NALF1: variants seen among roughly 807,000 people sequenced by gnomAD.
The protein encoded by NALF1 is family with sequence similarity 155 member A.
A neutral mutation model predicts 48.4 loss-of-function variants in NALF1; 3 were observed. The ratio of observed to expected loss-of-function variants is 0.06; its 90% CI spans 0.03 to 0.16. NALF1 has a LOEUF of 0.16. Among genes scored for constraint, NALF1 ranks in the 10% least tolerant of loss-of-function variants. The pLI, the probability that NALF1 is intolerant of heterozygous loss-of-function variation, is 1.00. For synonymous variants in NALF1, 262 were observed against 245.7 expected, an observed-to-expected ratio of 1.07 and a Z score of -0.62; for missense variants, 526 against 571.5, an observed-to-expected ratio of 0.92 and a Z score of 0.81.
intron 1 of NALF1, among the ~76,000 whole-genome samples, chr13:107,554,119 C>A (rs1252753313): frequency 6.6e-6 from 1 of 152,170 alleles, no homozygotes; most frequent in Non-Finnish European, 1.5e-5. Flanking sequence ...ACAGCAAGCT[C>A]CTGACACTAC....
chr13:107,743,344 T>C (rs997658702), intron 1 of NALF1, among the ~76,000 whole-genome samples: 1 of 152,184 alleles, frequency 6.6e-6, no homozygotes, highest in African/African-American at 2.4e-5. Context: ...AACTTTCAGA[T>C]GAATCAGCCT....
rs902259069 is a variant in NALF1 at position 107,486,817 on chromosome 13, G to T, written c.916-276062C>A. 2.6e-5 allele frequency among the ~76,000 whole-genome samples: 4 copies of T among 152,016 alleles called. No homozygotes were observed. In the East Asian group the frequency reaches 5.8e-4, roughly 22 times the overall value. On this transcript the variant is annotated intron_variant, in intron 1 of 2. Transcript: ENST00000375915. ...ACTCCCTGCTTTTGGATATTGAAGG[G>T]AGTTCATTTTTTAACATGATTCATG... is the stretch of plus-strand genomic sequence containing the variant.
rs1041048440 is a variant in NALF1, at chr13:107,607,523, G to A, written c.915+258159C>T. On this transcript the variant is annotated intron_variant, in intron 1 of 2. Transcript: ENST00000375915. ...ATCTTCAAGCCAAAATAAAGTTGTT[G>A]TTGTTGTTGTTTTTCCTTGTAAAGA... 2.0e-5 allele frequency among the ~76,000 whole-genome samples: 3 copies of A among 152,278 alleles called. No individual in the cohort carries two copies. The East Asian group carries it at 5.8e-4, about 29-fold the overall frequency.
At chr13:107,262,398 G>C (rs1880945359) in intron 1 of NALF1, among the ~76,000 whole-genome samples, 1 of 152,128 alleles carries the variant, frequency 6.6e-6, no homozygotes, top group African/African-American at 2.4e-5. Flanking sequence ...CTGAATGACA[G>C]AGCAAAACTC....
chr13:107,572,828 T>C (rs1223909081), intron 1 of NALF1, among the ~76,000 whole-genome samples: 1 of 152,192 alleles, frequency 6.6e-6, no homozygotes, highest in Non-Finnish European at 1.5e-5. Flanking sequence ...TAAAAAATAA[T>C]TCATACAAGA....
intron 1 of NALF1, among the ~76,000 whole-genome samples, chr13:107,520,633 C>A (rs1378583242): frequency 1.3e-5 from 2 of 152,150 alleles, no homozygotes; most frequent in Admixed American, 1.3e-4. Context: ...GTTTATTCAC[C>A]CAATCATTAA....
At chr13:107,449,846 A>T (rs1884711123) in intron 1 of NALF1, among the ~76,000 whole-genome samples, 1 of 152,192 alleles carries the variant, frequency 6.6e-6, no homozygotes, top group African/African-American at 2.4e-5. Flanking sequence ...TTCCAAATTT[A>T]CAGTTAAGGA....
chr13:107,699,134 A>C (rs1245899192), intron 1 of NALF1, among the ~76,000 whole-genome samples: 1 of 152,176 alleles, frequency 6.6e-6, no homozygotes, highest in African/African-American at 2.4e-5. Flanking sequence ...TACAAATTAC[A>C]AAGTCAAGAA....
At chr13:107,434,296 G>A (rs1489968129) in intron 1 of NALF1, among the ~76,000 whole-genome samples, 1 of 152,124 alleles carries the variant, frequency 6.6e-6, no homozygotes, top group Non-Finnish European at 1.5e-5. Context: ...GTTGACTGTA[G>A]CCTGATTATC....
At chr13:107,759,233 T>C (rs533722427) in intron 1 of NALF1, among the ~76,000 whole-genome samples, 3 of 152,178 alleles carry the variant, frequency 2.0e-5, no homozygotes, top group Non-Finnish European at 2.9e-5. Context: ...TTTTTTGAGA[T>C]AGTCTTGCTC....
chr13:107,477,446 G>C (rs1036753708), intron 1 of NALF1, among the ~76,000 whole-genome samples: 4 of 152,000 alleles, frequency 2.6e-5, no homozygotes, highest in African/African-American at 9.7e-5. Flanking sequence ...ATCCTCCTAA[G>C]GTCCCTATAG....
intron 1 of NALF1, among the ~76,000 whole-genome samples, chr13:107,383,406 G>C (rs1883474492): frequency 6.6e-6 from 1 of 152,060 alleles, no homozygotes; most frequent in African/African-American, 2.4e-5. Context: ...GCGTTCTCCT[G>C]ACCTGATTAG....
chr13:107,402,707 C>A (rs1328191045), intron 1 of NALF1, among the ~76,000 whole-genome samples: 1 of 152,092 alleles, frequency 6.6e-6, no homozygotes, highest in Non-Finnish European at 1.5e-5. Flanking sequence ...GAAGAAAAAT[C>A]CATATTCCTG....
chr13:107,246,019 T>G (rs1880576427), intron 1 of NALF1, among the ~76,000 whole-genome samples: 1 of 152,162 alleles, frequency 6.6e-6, no homozygotes, highest in Non-Finnish European at 1.5e-5. Flanking sequence ...CTCTGCTGGC[T>G]TCGCAGGTAC....
intron 1 of NALF1, among the ~76,000 whole-genome samples, chr13:107,693,328 T>TGG (rs1566446153): frequency 3.6e-5 from 2 of 55,982 alleles, no homozygotes; most frequent in Non-Finnish European, 6.6e-5. Context: ...TGTCGTAGGG[T>TGG]AGGGGGGGCG....
intron 1 of NALF1, among the ~76,000 whole-genome samples, chr13:107,295,772 T>C (rs1224642859): frequency 2.0e-5 from 3 of 152,224 alleles, no homozygotes; most frequent in African/African-American, 7.2e-5. Context: ...AGTCAAATGT[T>C]ATTTTATTTT....
chr13:107,754,098 C>A (rs1431251903), intron 1 of NALF1, among the ~76,000 whole-genome samples: 2 of 152,148 alleles, frequency 1.3e-5, no homozygotes, highest in East Asian at 3.9e-4. Context: ...GGACTATATT[C>A]TGCTTAGGTT....
At chr13:107,183,975 T>C (rs1293107949) in intron 2 of NALF1, among the ~76,000 whole-genome samples, 8 of 140,040 alleles carry the variant, frequency 5.7e-5, no homozygotes, top group Admixed American at 4.2e-4. Context: ...TTTCTTTTTC[T>C]TTTTTTTTTT....
intron 1 of NALF1, among the ~76,000 whole-genome samples, chr13:107,636,407 C>A (rs1879977676): frequency 6.6e-6 from 1 of 152,144 alleles, no homozygotes; most frequent in Non-Finnish European, 1.5e-5. Flanking sequence ...TGGAACATTT[C>A]TTCATTGTAT....
Sources: gnomAD v4.1 joint callset for allele counts (sites outside exome capture counted in the v4.1 genomes callset) on GRCh38, gnomAD v4.1.1 for gene constraint, MANE v1.5 for transcripts, NCBI Gene and HGNC (gene_info 2026-07-23, HGNC 2026-07-21) for gene names.